The following DIP2B variants were observed in gnomAD, a reference collection of about 807,000 sequenced individuals.
DIP2B encodes the protein disco-interacting protein 2 homolog B.
A neutral mutation model predicts 198.0 loss-of-function variants in DIP2B; 76 were observed. The ratio of observed to expected loss-of-function variants is 0.38; its 90% CI spans 0.32 to 0.46. The LOEUF (loss-of-function observed/expected upper bound fraction) is 0.46, where lower values mean the gene tolerates loss of function less well. Ranked by LOEUF, DIP2B falls within the 20% of genes least tolerant of loss-of-function variation. The pLI is 0.99. For synonymous variants in DIP2B, 701 were observed against 739.1 expected (o/e 0.95, Z 0.84); for missense variants, 1,559 against 1,978.4 (o/e 0.79, Z 4.02).
At chr12:50,625,904 A>G (rs1937924723) in intron 1 of DIP2B, 72 bp from the exon 2 acceptor site, 1 of 1,506,506 alleles carries the variant, frequency 6.6e-7, no homozygotes, top group Admixed American at 1.7e-5. Context: ...TCTGTAATTA[A>G]TTTTATTTTT....
chr12:50,549,102 T>C (rs1344015270), intron 1 of DIP2B, among the ~76,000 whole-genome samples: 1 of 151,808 alleles, frequency 6.6e-6, no homozygotes, highest in African/African-American at 2.4e-5. Context: ...TACAGCTGCT[T>C]CGGTTTTGGA....
At chr12:50,509,384 A>G (rs1159262890) in intron 1 of DIP2B, among the ~76,000 whole-genome samples, 2 of 152,254 alleles carry the variant, frequency 1.3e-5, no homozygotes, top group Admixed American at 1.3e-4. Context: ...TGTGGCATGC[A>G]GGAAGGAGCT....
intron 27 of DIP2B, among the ~76,000 whole-genome samples, chr12:50,723,726 T>C (rs1939881373): frequency 6.6e-6 from 1 of 151,978 alleles, no homozygotes; most frequent in South Asian, 2.1e-4. Flanking sequence ...CACTCCAGCC[T>C]GAGCAGACCC....
intron 3 of DIP2B, among the ~76,000 whole-genome samples, chr12:50,656,486 A>T (rs925609874): frequency 6.6e-6 from 1 of 152,248 alleles, no homozygotes; most frequent in Non-Finnish European, 1.5e-5. Flanking sequence ...CAAAATAATG[A>T]TAGTAACAGA....
intron 1 of DIP2B, among the ~76,000 whole-genome samples, chr12:50,510,910 GC>G (rs1958008934): frequency 6.6e-6 from 1 of 150,738 alleles, no homozygotes; most frequent in South Asian, 2.1e-4. Context: ...CTCCCAAAGT[GC>G]TGGGATTACA....
At chr12:50,561,577 A>G (rs948224812) in intron 1 of DIP2B, among the ~76,000 whole-genome samples, 3 of 152,168 alleles carry the variant, frequency 2.0e-5, no homozygotes, top group African/African-American at 7.2e-5. Context: ...ACTCCCGAAG[A>G]TGCTGTCTAT....
At chr12:50,622,730 G>A (rs918216087) in intron 1 of DIP2B, among the ~76,000 whole-genome samples, 2 of 152,138 alleles carry the variant, frequency 1.3e-5, no homozygotes, top group Admixed American at 1.3e-4. Flanking sequence ...TCCTGCCTCA[G>A]TCTCCTGAGT....
chr12:50,628,403 A>C (rs1179905140), intron 2 of DIP2B, among the ~76,000 whole-genome samples: 1 of 152,160 alleles, frequency 6.6e-6, no homozygotes, highest in Non-Finnish European at 1.5e-5. Context: ...AAAAATATAA[A>C]AAGCAATGAT....
chr12:50,582,281 G>T (rs1191814630), intron 1 of DIP2B, among the ~76,000 whole-genome samples: 1 of 150,420 alleles, frequency 6.6e-6, no homozygotes, highest in Non-Finnish European at 1.5e-5. Flanking sequence ...CCTCCAAGTA[G>T]CTGGGATTAC....
At chr12:50,508,607 G>A (rs1486863644) in intron 1 of DIP2B, among the ~76,000 whole-genome samples, 1 of 152,074 alleles carries the variant, frequency 6.6e-6, no homozygotes, top group Non-Finnish European at 1.5e-5. Context: ...CCTAATAAGT[G>A]TCGTTATCCT....
At chr12:50,638,916 T>C (rs2684902) in intron 2 of DIP2B, among the ~76,000 whole-genome samples, 133,885 of 151,158 alleles carry the variant, frequency 0.89, 60,206 homozygotes, top group Non-Finnish European at 0.98. Flanking sequence ...ATCTGAAATC[T>C]GAAAATTGGC....
rs1205734576 is a variant in DIP2B at position 50,664,830 on chromosome 12, G to GTTTTTTTTTT, written c.427+4516_427+4517insTTTTTTTTTT. Among the ~76,000 whole-genome samples the GTTTTTTTTTT allele has an allele frequency of 1.8e-4, 18 of 99,684 alleles. 6 individuals are homozygous for GTTTTTTTTTT. Among genetic ancestry groups the GTTTTTTTTTT allele is most frequent in the African/African-American group, 5.8e-4 (14 of 23,962 alleles). 65.4% of individuals were successfully genotyped at this position (99,684 alleles called of 152,430 possible). The stretch of plus-strand genomic sequence containing the variant: ...CAAGGAGAATTTCCCTCCTTTTTTG[G>GTTTTTTTTTT]TTTTTGTTTTTTTTTTTTTTTTTTT... On this transcript the variant is annotated intron_variant, in intron 4 of 37. Coordinates refer to ENST00000301180, the MANE Select transcript of DIP2B (RefSeq NM_173602.3).
intron 3 of DIP2B, among the ~76,000 whole-genome samples, chr12:50,659,356 CG>C (rs1324560771): frequency 6.6e-6 from 1 of 151,882 alleles, no homozygotes; most frequent in Non-Finnish European, 1.5e-5. Context: ...CTTTACAGAG[CG>C]GTATGGAAGG....
intron 36 of DIP2B, among the ~76,000 whole-genome samples, chr12:50,740,104 C>T (rs1331606471): frequency 6.6e-6 from 1 of 152,222 alleles, no homozygotes; most frequent in Non-Finnish European, 1.5e-5. Flanking sequence ...AGTTGATTGT[C>T]ACAGCTTCAC....
chr12:50,621,964 G>T (rs530697927), intron 1 of DIP2B, among the ~76,000 whole-genome samples: 2 of 152,146 alleles, frequency 1.3e-5, no homozygotes, highest in African/African-American at 4.8e-5. Flanking sequence ...TTAATATCCA[G>T]GATGCCAAAT....
At chr12:50,717,840 G>A (rs1276024614) in intron 23 of DIP2B, among the ~76,000 whole-genome samples, 6 of 151,440 alleles carry the variant, frequency 4.0e-5, no homozygotes, top group Non-Finnish European at 7.4e-5. Flanking sequence ...TGTCCGCCTC[G>A]GCCTCCTAAA....
At chr12:50,536,035 T>G (rs1274984468) in intron 1 of DIP2B, among the ~76,000 whole-genome samples, 1 of 151,734 alleles carries the variant, frequency 6.6e-6, no homozygotes, top group Admixed American at 6.6e-5. Flanking sequence ...AACTCATCAT[T>G]TTTTATGGCT....
At chr12:50,664,133 CTGTT>C (rs1035077595) in intron 4 of DIP2B, among the ~76,000 whole-genome samples, 22 of 152,116 alleles carry the variant, frequency 1.4e-4, no homozygotes, top group Non-Finnish European at 1.5e-4. Context: ...CAATACGTAA[CTGTT>C]TGAATTACTG....
chr12:50,628,365 C>T (rs752469011), intron 2 of DIP2B, among the ~76,000 whole-genome samples: 7 of 151,824 alleles, frequency 4.6e-5, no homozygotes, highest in African/African-American at 1.4e-4. Flanking sequence ...AGCAAGACTC[C>T]GTCTCAAAAA....
Sources: gnomAD v4.1 joint callset for allele counts (sites outside exome capture counted in the v4.1 genomes callset) on GRCh38, gnomAD v4.1.1 for gene constraint, MANE v1.5 for transcripts, NCBI Gene and HGNC (gene_info 2026-07-23, HGNC 2026-07-21) for gene names.